The following YDJC variants were observed in gnomAD, a reference collection of about 807,000 sequenced individuals.
The protein encoded by YDJC is YdjC chitooligosaccharide deacetylase homolog.
In YDJC, 23 loss-of-function variants were observed where a neutral mutation model predicts 18.9. The ratio of observed to expected loss-of-function variants is 1.22; its 90% CI spans 0.87 to 1.72. The LOEUF is 1.72. YDJC is among the 40% of genes most tolerant of loss of function. The pLI is 0.00. For missense variants in YDJC, 467 were observed against 470.8 expected, an observed-to-expected ratio of 0.99 and a Z score of 0.07; for synonymous variants, 224 against 217.6, an observed-to-expected ratio of 1.03 and a Z score of -0.26.
Position 21,629,179 on chromosome 22 carries a change from G to GGCAC in YDJC, c.429_432dup (p.Gln145ValfsTer116). The stretch of plus-strand genomic sequence containing the variant: ...GCCTGCAGCGCCTCGGCGAACACCT[G>GGCAC]GCACACGCCTGCGGGCGGAGCGGGT... On this transcript the variant is annotated frameshift_variant, in exon 4 of 5. Transcript: ENST00000292778. LOFTEE classifies it high-confidence loss of function. The GGCAC allele has an allele frequency of 6.5e-7, 1 of 1,543,172 alleles. No homozygotes were observed. The highest frequency in any genetic ancestry group is 8.7e-7 in the Non-Finnish European group (1 of 1,145,950).
At position 21,628,770 on chromosome 22, in the gene YDJC, A is replaced by C; in HGVS notation, c.620T>G (p.Val207Gly). Residue 207 changes from valine (V) to glycine (G), a missense_variant, in exon 5 of 5, where the codon GTG (valine) becomes GGG (glycine). By Grantham distance (109) the Val-to-Gly change is moderately radical. Coordinates refer to ENST00000292778, the MANE Select transcript of YDJC (RefSeq NM_001017964.2). ...RHGLRWTDAF[V>G]GLSTCGRHMS... Reference sequence around the variant, plus strand: ...GTGCCGGCCGCAAGTGCTCAGGCCCACGAAGGCGTCTGTCCACCTGTGGGG... The same window carrying C: ...GTGCCGGCCGCAAGTGCTCAGGCCCCCGAAGGCGTCTGTCCACCTGTGGGG... 6.7e-7 allele frequency: 1 copy of C among 1,490,274 alleles called. No individual in the cohort carries two copies. Among genetic ancestry groups the C allele is most frequent in the Non-Finnish European group, 9.0e-7 (1 of 1,117,304 alleles). The allele number at this position is 1,490,274 out of a possible 1,614,324, so 92.3% of individuals were successfully genotyped here.
In YDJC at chr22:21,629,760, G is replaced by A. The variant is rs780379109; in HGVS notation, c.166C>T (p.His56Tyr). Residue 56 changes from histidine to tyrosine, a missense_variant and splice_region_variant, in exon 2 of 5, where the codon CAC becomes TAC. By Grantham distance (83) the His-to-Tyr change is moderately conservative. Coordinates refer to ENST00000292778, the MANE Select transcript of YDJC (RefSeq NM_001017964.2). ...TESAAELARR[H>Y]SIPTGLHANL... ...GCGTGGAGGCCCGTGGGGATGCTGT[G>A]CCTGAGGGCGGAGCGCGAGCTGGAG... is the stretch of plus-strand genomic sequence containing the variant. 6 of 1,491,630 alleles carry A rather than the reference G, an allele frequency of 4.0e-6. No individual in the cohort carries two copies. In the South Asian group the frequency reaches 7.7e-5, roughly 19 times the overall value. The allele number at this position is 1,491,630 out of a possible 1,614,324, so 92.4% of individuals were successfully genotyped here. A position where few individuals can be genotyped will look rare whatever the true frequency, so the allele number is the denominator to read the frequency against.
At position 21,630,006 on chromosome 22, in the gene YDJC, G is replaced by T. The variant is rs1373730270; in HGVS notation, c.9C>A (p.Arg3=). 1.3e-6 allele frequency: 2 copies of T among 1,595,264 alleles called. No individual in the cohort carries two copies. Residue 3 remains arginine (R), a synonymous_variant, in exon 1 of 5, where the codon CGC becomes CGA. Coordinates refer to ENST00000292778, the MANE Select transcript of YDJC (RefSeq NM_001017964.2). ...CGGTGACCACCAGGCGCATGCGAGGGCGGGACATGGCCGCCTGGGTCCACC... is the reference window on the plus strand; with the variant it reads ...CGGTGACCACCAGGCGCATGCGAGGTCGGGACATGGCCGCCTGGGTCCACC... MS[R]PRMRLVVTAD...
At position 21,629,280 on chromosome 22, in the gene YDJC, C is replaced by T. The variant is rs1930386223; in HGVS notation, c.424+28G>A. On this transcript the variant is annotated intron_variant, in intron 3 of 4. Transcript: ENST00000292778. ...CCCAGCCCCGCCTGGGAGTAACGCCCTCCAAACTGGGATCACTAACCACGC... is the reference window on the plus strand; with the variant it reads ...CCCAGCCCCGCCTGGGAGTAACGCCTTCCAAACTGGGATCACTAACCACGC... The T allele has an allele frequency of 5.2e-6, 8 of 1,550,338 alleles. 1 individual carries two copies. The East Asian group carries it at 9.8e-5, about 19-fold the overall frequency.
chr22:21,629,408 C>G lies in YDJC; in HGVS notation c.325-1G>C. On this transcript the variant is annotated splice_acceptor_variant, in intron 2 of 4. Coordinates refer to ENST00000292778, the MANE Select transcript of YDJC (RefSeq NM_001017964.2). LOFTEE classifies it high-confidence loss of function. ...GTTGGGCCTCGAGCTCCTCCCGCAC[C>G]TAGAGGGCGAGCGAGAGACACCTTG... 6.5e-7 allele frequency: 1 copy of G among 1,547,096 alleles called. No homozygotes were observed. The highest frequency in any genetic ancestry group is 8.7e-7 in the Non-Finnish European group (1 of 1,146,298).
Position 21,628,442 on chromosome 22 carries a change from G to C in YDJC, c.948C>G (p.Pro316=). The C allele has an allele frequency of 6.4e-7, 1 of 1,565,274 alleles. No individual in the cohort carries two copies. Among genetic ancestry groups the C allele is most frequent in the Non-Finnish European group, 8.7e-7 (1 of 1,152,280 alleles). ...GTCAGAGTAGGGAGGGTTCCAGGAA[G>C]GGTTCCAGAGTGGGCTCACAGGGGA... ...EEVPCEPTLE[P]FLEPSLL Residue 316 remains proline (P), a synonymous_variant, in exon 5 of 5, where the codon CCC becomes CCG. Coordinates refer to ENST00000292778, the MANE Select transcript of YDJC (RefSeq NM_001017964.2).
Position 21,629,318 on chromosome 22 carries a change from G to A in YDJC, c.414C>T (p.His138=), listed in dbSNP as rs778703672. The A allele has an allele frequency of 2.1e-5, 32 of 1,550,368 alleles. No homozygotes were observed. The highest frequency in any genetic ancestry group is 9.7e-5 in the East Asian group (4 of 41,026). The change falls in exon 3 of 5, where the codon CAC becomes CAT. Residue 138 remains histidine, a synonymous_variant. Transcript: ENST00000292778. ...TCACTAACCACGCACCTGGGAGCAC[G>A]TGCACGTGCTGGTGCCCGTCCGCGT... ...PTHADGHQHV[H]VLPGVCQVFA...
chr22:21,628,570 G>T lies in YDJC; in HGVS notation c.820C>A (p.Leu274Met), dbSNP rs1044948883. 4 of 1,609,352 alleles carry T rather than the reference G, an allele frequency of 2.5e-6. No homozygotes were observed. The highest frequency in any genetic ancestry group is 3.4e-6 in the Non-Finnish European group (4 of 1,177,686). The change falls in exon 5 of 5, where the codon CTG becomes ATG. Residue 274 changes from leucine (L) to methionine (M), a missense_variant. Leu to Met is a conservative substitution (Grantham distance 15, BLOSUM62 2). Transcript: ENST00000292778. Reference sequence around the variant, plus strand: ...AGCGTGGGCGCGGTGAGGACGCGCAGCTCATGCAGCCGCTCCCAAGAGCAA... The same window carrying T: ...AGCGTGGGCGCGGTGAGGACGCGCATCTCATGCAGCCGCTCCCAAGAGCAA... ...FSCSWERLHE[L>M]RVLTAPTLRA... is the part of the protein sequence containing the mutation.
chr22:21,629,883 C>T lies in YDJC; in HGVS notation c.132G>A (p.Ala44=), dbSNP rs751079480. The change falls in exon 1 of 5, where the codon GCG becomes GCA. Residue 44 remains alanine, a synonymous_variant. Coordinates refer to ENST00000292778, the MANE Select transcript of YDJC (RefSeq NM_001017964.2). ...VTSVSLLVNG[A]ATESAAELAR... ...CCAGCTCCGCCGCGCTCTCCGTGGCCGCACCGTTGACCAGCAGGGACACGC... is the reference window on the plus strand; with the variant it reads ...CCAGCTCCGCCGCGCTCTCCGTGGCTGCACCGTTGACCAGCAGGGACACGC... 6.3e-7 allele frequency: 1 copy of T among 1,586,514 alleles called. No homozygotes were observed. The highest frequency in any genetic ancestry group is 8.5e-7 in the Non-Finnish European group (1 of 1,171,596).
chr22:21,628,797 G>A lies in YDJC; in HGVS notation c.603-10C>T. 2 of 1,468,500 alleles carry A rather than the reference G, an allele frequency of 1.4e-6. No homozygotes were observed. The highest frequency in any genetic ancestry group is 1.8e-6 in the Non-Finnish European group (2 of 1,107,978). 91.0% of individuals were successfully genotyped at this position (1,468,500 alleles called of 1,614,324 possible). The stretch of plus-strand genomic sequence containing the variant: ...GAAGGCGTCTGTCCACCTGTGGGGG[G>A]CGGGACATCAGAGGTGGGACCAGGC... On this transcript the variant is annotated splice_polypyrimidine_tract_variant and intron_variant, in intron 4 of 4. Coordinates refer to ENST00000292778, the MANE Select transcript of YDJC (RefSeq NM_001017964.2).
rs1248807175 is a variant in YDJC, at chr22:21,629,735, G to A, written c.191C>T (p.Ala64Val). ...RRHSIPTGLH[A>V]NLSEGRPVGP... Reference sequence around the variant, plus strand: ...CACGGGGCGGCCCTCGGACAGGTTGGCGTGGAGGCCCGTGGGGATGCTGTG... The same window carrying A: ...CACGGGGCGGCCCTCGGACAGGTTGACGTGGAGGCCCGTGGGGATGCTGTG... Residue 64 changes from alanine (A) to valine (V), a missense_variant, in exon 2 of 5, where the codon GCC becomes GTC. Coordinates refer to ENST00000292778, the MANE Select transcript of YDJC (RefSeq NM_001017964.2). 1 of 1,552,428 alleles carries A rather than the reference G, an allele frequency of 6.4e-7. No homozygotes were observed. The highest frequency in any genetic ancestry group is 1.4e-5 in the African/African-American group (1 of 73,530).
Position 21,628,800 on chromosome 22 carries a change from G to C in YDJC, c.603-13C>G. ...GGCGTCTGTCCACCTGTGGGGGGCG[G>C]GACATCAGAGGTGGGACCAGGCCGG... On this transcript the variant is annotated splice_polypyrimidine_tract_variant and intron_variant, in intron 4 of 4. Transcript: ENST00000292778. 6.8e-7 allele frequency: 1 copy of C among 1,463,456 alleles called. No individual in the cohort carries two copies. Among genetic ancestry groups the C allele is most frequent in the South Asian group, 1.4e-5 (1 of 73,936 alleles). The allele number at this position is 1,463,456 out of a possible 1,614,324, so 90.7% of individuals were successfully genotyped here.
chr22:21,629,952 G>C lies in YDJC; in HGVS notation c.63C>G (p.Arg21=). Reference sequence around the variant, plus strand: ...GAAAGGCCTCCACGATACCCTCATCGCGTCGCGGGCAGTAACCAAAGTCGT... The same window carrying C: ...GAAAGGCCTCCACGATACCCTCATCCCGTCGCGGGCAGTAACCAAAGTCGT... The part of the protein sequence containing the change: ...TADDFGYCPR[R]DEGIVEAFLA... Residue 21 remains arginine, a synonymous_variant, in exon 1 of 5, where the codon CGC becomes CGG. Transcript: ENST00000292778. 1 of 1,604,842 alleles carries C rather than the reference G, an allele frequency of 6.2e-7. No individual in the cohort carries two copies. The highest frequency in any genetic ancestry group is 8.5e-7 in the Non-Finnish European group (1 of 1,178,394).
Position 21,629,984 on chromosome 22 carries a change from T to A in YDJC, c.31A>T (p.Thr11Ser). The change falls in exon 1 of 5, where the codon ACC becomes TCC. Residue 11 changes from threonine (T) to serine (S), a missense_variant. Thr to Ser is a moderately conservative substitution (Grantham distance 58). Coordinates refer to ENST00000292778, the MANE Select transcript of YDJC (RefSeq NM_001017964.2). ...GGGCAGTAACCAAAGTCGTCCGCGGTGACCACCAGGCGCATGCGAGGGCGG... is the reference window on the plus strand; with the variant it reads ...GGGCAGTAACCAAAGTCGTCCGCGGAGACCACCAGGCGCATGCGAGGGCGG... MSRPRMRLVV[T>S]ADDFGYCPRR... The A allele has an allele frequency of 6.2e-7, 1 of 1,601,764 alleles. No individual in the cohort carries two copies. Among genetic ancestry groups the A allele is most frequent in the Non-Finnish European group, 8.5e-7 (1 of 1,177,642 alleles).
rs1284344590 is a variant in YDJC at position 21,629,579 on chromosome 22, C to T, written c.324+23G>A. On this transcript the variant is annotated intron_variant, in intron 2 of 4. Transcript: ENST00000292778. ...AGCTCTGGGGGTCCTCGCGAGCATC[C>T]TCCTGTAGCTGCGGCTCCGCACCTG... 1.9e-6 allele frequency: 3 copies of T among 1,612,550 alleles called. 1 individual carries two copies. In the South Asian group the frequency reaches 3.3e-5, roughly 18 times the overall value.
In YDJC at chr22:21,629,842, T is replaced by C; in HGVS notation, c.164+9A>G. The stretch of plus-strand genomic sequence containing the variant: ...CCGATCGCCGCCCTGCTAGAGGCCC[T>C]CCCCTCACCTGCGGGCCAGCTCCGC... On this transcript the variant is annotated intron_variant, in intron 1 of 4. Transcript: ENST00000292778. 1 of 1,536,772 alleles carries C rather than the reference T, an allele frequency of 6.5e-7. No individual in the cohort carries two copies. The highest frequency in any genetic ancestry group is 8.7e-7 in the Non-Finnish European group (1 of 1,146,188).
At position 21,628,191 on chromosome 22, in the gene YDJC, G is replaced by A. The variant is rs543520905; in HGVS notation, c.*227C>T. ...CATGGAGGGGCACCAAATGCTCTGC[G>A]GGCCCTAGCCCGCTGCCACAGGCTA... is the stretch of plus-strand genomic sequence containing the variant. On this transcript the variant is annotated 3_prime_UTR_variant, in exon 5 of 5. Transcript: ENST00000292778. 10 of 469,286 alleles carry A rather than the reference G, an allele frequency of 2.1e-5. No homozygotes were observed. Among genetic ancestry groups the A allele is most frequent in the African/African-American group, 1.0e-4 (5 of 50,216 alleles). The allele number at this position is 469,286 out of a possible 1,614,324, so 29.1% of individuals were successfully genotyped here.
rs1930429203 is a variant in YDJC, at chr22:21,629,869, G to C, written c.146C>G (p.Ala49Gly). 6.4e-7 allele frequency: 1 copy of C among 1,571,602 alleles called. No individual in the cohort carries two copies. The highest frequency in any genetic ancestry group is 1.4e-5 in the African/African-American group (1 of 72,188). ...LLVNGAATES[A>G]AELARRHSIP... ...CCCTCACCTGCGGGCCAGCTCCGCC[G>C]CGCTCTCCGTGGCCGCACCGTTGAC... Residue 49 changes from alanine (A) to glycine (G), a missense_variant, in exon 1 of 5, where the codon GCG becomes GGG. Coordinates refer to ENST00000292778, the MANE Select transcript of YDJC (RefSeq NM_001017964.2).
intron 2 of YDJC, 59 bp from the exon 3 acceptor site, chr22:21,629,466 C>A: frequency 3.9e-6 from 6 of 1,537,822 alleles, no homozygotes; most frequent in Non-Finnish European, 4.4e-6. Flanking sequence ...GGATACCCTC[C>A]TCGTGCTTCC....
Sources: gnomAD v4.1 joint callset for allele counts on GRCh38, gnomAD v4.1.1 for gene constraint, MANE v1.5 for transcripts, NCBI Gene and HGNC (gene_info 2026-07-23, HGNC 2026-07-21) for gene names.